The following CSMD1 variants were observed in gnomAD, a reference collection of about 807,000 sequenced individuals.
The protein encoded by CSMD1 is CUB and sushi domain-containing protein 1.
A neutral mutation model predicts 417.5 loss-of-function variants in CSMD1; 213 were observed. The observed-to-expected ratio is 0.51, with a 90% CI of 0.46 to 0.57. The LOEUF is 0.57. Ranked by LOEUF, CSMD1 falls within the 20% of genes least tolerant of loss-of-function variation. The pLI is 0.00. For missense variants in CSMD1, 6,923 were observed against 4,529.7 expected (o/e 1.53, Z -15.17); for synonymous variants, 2,862 against 1,736.8 (o/e 1.65, Z -16.11).
chr8:4,306,491 A>T (rs4875320), intron 3 of CSMD1, among the ~76,000 whole-genome samples: 21,834 of 152,058 alleles, frequency 0.14, 1,586 homozygotes, highest in Non-Finnish European at 0.16. Flanking sequence ...AGGGTGTAAG[A>T]TCTCATTTCT....
intron 5 of CSMD1, among the ~76,000 whole-genome samples, chr8:3,763,336 T>C (rs1798110752): frequency 6.6e-6 from 1 of 152,130 alleles, no homozygotes; most frequent in South Asian, 2.1e-4. Context: ...TGGGAGGTGT[T>C]GGTGTCATGG....
chr8:4,773,570 C>A (rs1796701556), intron 1 of CSMD1, among the ~76,000 whole-genome samples: 1 of 152,120 alleles, frequency 6.6e-6, no homozygotes, highest in African/African-American at 2.4e-5. Flanking sequence ...CACACTGAAT[C>A]CTCCTTTCTC....
intron 3 of CSMD1, among the ~76,000 whole-genome samples, chr8:4,086,971 T>G (rs1713113724): frequency 1.3e-5 from 2 of 152,356 alleles, no homozygotes; most frequent in Middle Eastern, 3.4e-3. Context: ...CAGATTGCTC[T>G]GAGCTTCTGT....
intron 7 of CSMD1, among the ~76,000 whole-genome samples, chr8:3,628,824 A>C (rs986309604): frequency 4.6e-5 from 7 of 152,138 alleles, no homozygotes; most frequent in African/African-American, 1.7e-4. Context: ...AAGAACTCTC[A>C]TCTCTCTCTT....
intron 12 of CSMD1, among the ~76,000 whole-genome samples, chr8:3,442,341 C>T (rs1815037832): frequency 6.6e-6 from 1 of 152,134 alleles, no homozygotes; most frequent in African/African-American, 2.4e-5. Context: ...TGTCCTAGGC[C>T]TTCAATTTCA....
chr8:3,506,091 C>T (rs1796813598), intron 10 of CSMD1, among the ~76,000 whole-genome samples: 1 of 152,158 alleles, frequency 6.6e-6, no homozygotes, highest in African/African-American at 2.4e-5. Context: ...GCTGTGTTCT[C>T]ATAAGGAGGT....
chr8:4,760,110 G>C (rs1280620659), intron 1 of CSMD1, among the ~76,000 whole-genome samples: 1 of 152,116 alleles, frequency 6.6e-6, no homozygotes, highest in East Asian at 1.9e-4. Context: ...CATTCTGACT[G>C]GCATGAGATC....
chr8:4,334,606 T>C (rs1800059946), intron 3 of CSMD1, among the ~76,000 whole-genome samples: 1 of 152,176 alleles, frequency 6.6e-6, no homozygotes, highest in Non-Finnish European at 1.5e-5. Flanking sequence ...TCTCTATCTG[T>C]ATTTCCTCTG....
chr8:4,507,254 A>G (rs1563241594), intron 2 of CSMD1, among the ~76,000 whole-genome samples: 1 of 152,208 alleles, frequency 6.6e-6, no homozygotes. Context: ...AGCTCAGTAT[A>G]TTACTTATTT....
intron 5 of CSMD1, among the ~76,000 whole-genome samples, chr8:3,871,734 T>G (rs915789761): frequency 2.0e-5 from 3 of 152,208 alleles, no homozygotes; most frequent in African/African-American, 7.2e-5. Flanking sequence ...AAATCCACCC[T>G]TCTAACATTT....
At chr8:4,630,815 G>C (rs919343328) in intron 2 of CSMD1, among the ~76,000 whole-genome samples, 2 of 152,114 alleles carry the variant, frequency 1.3e-5, no homozygotes, top group African/African-American at 4.8e-5. Flanking sequence ...AGTCACCTCT[G>C]TGTGACAAGC....
intron 3 of CSMD1, among the ~76,000 whole-genome samples, chr8:4,167,651 G>T (rs1027589271): frequency 6.6e-6 from 1 of 152,170 alleles, no homozygotes; most frequent in Non-Finnish European, 1.5e-5. Context: ...GGAAGATACA[G>T]ATTGGCCACA....
chr8:4,673,577 G>C (rs530285800), intron 1 of CSMD1, among the ~76,000 whole-genome samples: 1 of 152,156 alleles, frequency 6.6e-6, no homozygotes, highest in Non-Finnish European at 1.5e-5. Flanking sequence ...TCTACCTTGT[G>C]CTTGGGGGAA....
chr8:3,986,489 G>A (rs1414356852), intron 5 of CSMD1, among the ~76,000 whole-genome samples: 1 of 152,044 alleles, frequency 6.6e-6, no homozygotes, highest in Admixed American at 6.6e-5. Context: ...GACTTCCCTG[G>A]CTACCAAAAG....
intron 3 of CSMD1, among the ~76,000 whole-genome samples, chr8:4,127,079 G>C (rs1802808311): frequency 8.3e-6 from 1 of 121,126 alleles, no homozygotes; most frequent in Non-Finnish European, 1.8e-5. Context: ...TCAATCTCCT[G>C]TGATTTTTTT....
At chr8:4,091,550 G>T (rs1157018318) in intron 3 of CSMD1, among the ~76,000 whole-genome samples, 1 of 152,118 alleles carries the variant, frequency 6.6e-6, no homozygotes, top group African/African-American at 2.4e-5. Flanking sequence ...CAATGCAAAC[G>T]TGGCCACCGC....
At chr8:4,757,142 G>A (rs551932304) in intron 1 of CSMD1, among the ~76,000 whole-genome samples, 3 of 152,200 alleles carry the variant, frequency 2.0e-5, no homozygotes, top group Non-Finnish European at 4.4e-5. Context: ...GAGAATAGAT[G>A]CGAATAACCA....
At chr8:3,222,142 G>C (rs1050203317) in intron 28 of CSMD1, among the ~76,000 whole-genome samples, 1 of 152,094 alleles carries the variant, frequency 6.6e-6, no homozygotes, top group Non-Finnish European at 1.5e-5. Context: ...CGGCTAATAA[G>C]TCATAATCTA....
In CSMD1 at chr8:4,330,381, G is replaced by A. The variant is rs186026666; in HGVS notation, c.415+89572C>T. ...AGGACTAGTCAGGCAGATCACTTGA[G>A]GTCAGGAGTTCAGACCAGCCTGACC... On this transcript the variant is annotated intron_variant, in intron 3 of 69. Coordinates refer to ENST00000635120, the MANE Select transcript of CSMD1 (RefSeq NM_033225.6). Among the ~76,000 whole-genome samples, 6 of 152,154 alleles carry A rather than the reference G, an allele frequency of 3.9e-5. 1 individual carries two copies. The East Asian group carries it at 1.2e-3, about 30-fold the overall frequency.
Sources: allele counts gnomAD v4.1 joint callset (sites outside exome capture counted in the v4.1 genomes callset), GRCh38; gene constraint gnomAD v4.1.1; transcripts MANE v1.5; gene names NCBI Gene and HGNC (gene_info 2026-07-23, HGNC 2026-07-21).